Variants in HMCN1 observed in about 807,000 individuals in gnomAD.
HMCN1 encodes the protein hemicentin 1, also known as hemicentin-1.
In HMCN1, 321 loss-of-function variants were observed where a neutral mutation model predicts 625.9. The observed-to-expected ratio is 0.51, with a 90% CI of 0.47 to 0.56. The LOEUF is 0.56. HMCN1 is among the 20% of genes least tolerant of loss of function. The pLI, the probability that HMCN1 is intolerant of heterozygous loss-of-function variation, is 0.00. For missense variants in HMCN1, 6,588 were observed against 6,887.3 expected (o/e 0.96, Z 1.54); for synonymous variants, 2,425 against 2,417.6 (o/e 1.00, Z -0.09).
chr1:186,023,158 T>A lies in HMCN1; in HGVS notation c.5749+5T>A. 4 of 1,612,428 alleles carry A rather than the reference T, an allele frequency of 2.5e-6. No individual in the cohort carries two copies. Among genetic ancestry groups the A allele is most frequent in the Non-Finnish European group, 8.5e-7 (1 of 1,178,740 alleles). ...ACATTCAACTGCATGTTCATGGTAA[T>A]GTAATTTCTACACCTTAACAAAAGA... On this transcript the variant is annotated splice_donor_5th_base_variant and intron_variant, in intron 36 of 106. Coordinates refer to ENST00000271588, the MANE Select transcript of HMCN1 (RefSeq NM_031935.3).
intron 2 of HMCN1, among the ~76,000 whole-genome samples, chr1:185,862,822 C>A (rs533958131): frequency 3.2e-4 from 48 of 152,212 alleles, no homozygotes; most frequent in Admixed American, 2.6e-3. Context: ...CATCTTCTAG[C>A]CCCATGCAAT....
rs1021015162 is a variant in HMCN1 at position 185,823,412 on chromosome 1, C to T, written c.269-22614C>T. On this transcript the variant is annotated intron_variant, in intron 1 of 106. Coordinates refer to ENST00000271588, the MANE Select transcript of HMCN1 (RefSeq NM_031935.3). Reference sequence around the variant, plus strand: ...GTAGGCAACATATAAAAAAATTGTTCTTTGGTGTTTAAGGTAAAGTGTAAA... The same window carrying T: ...GTAGGCAACATATAAAAAAATTGTTTTTTGGTGTTTAAGGTAAAGTGTAAA... 2.6e-5 allele frequency among the ~76,000 whole-genome samples: 4 copies of T among 152,074 alleles called. No individual in the cohort carries two copies. The East Asian group carries it at 5.8e-4, about 22-fold the overall frequency.
At chr1:186,110,701 C>T (rs901772713) in intron 71 of HMCN1, among the ~76,000 whole-genome samples, 5 of 151,942 alleles carry the variant, frequency 3.3e-5, no homozygotes, top group South Asian at 2.1e-4. Context: ...TTATAGGACA[C>T]GTTATGTTGG....
At chr1:186,088,576 T>C (rs755260623) in intron 62 of HMCN1, 30 bp from the exon 63 acceptor site, 3 of 1,605,760 alleles carry the variant, frequency 1.9e-6, no homozygotes, top group Admixed American at 1.7e-5. Flanking sequence ...GGTTTTTTTA[T>C]GTTTTATTGT....
At chr1:185,997,017 T>C (rs1338329187) in intron 24 of HMCN1, among the ~76,000 whole-genome samples, 1 of 152,038 alleles carries the variant, frequency 6.6e-6, no homozygotes, top group Non-Finnish European at 1.5e-5. Context: ...AAGAAGTCTA[T>C]TGGAATAGCC....
chr1:186,027,100 T>C (rs916965907), intron 36 of HMCN1, among the ~76,000 whole-genome samples: 4 of 152,218 alleles, frequency 2.6e-5, no homozygotes, highest in African/African-American at 9.6e-5. Context: ...CCATTCTTCT[T>C]AGTCATAGCA....
In HMCN1 at chr1:186,068,004, C is replaced by G; in HGVS notation, c.7876C>G (p.Pro2626Ala). The stretch of plus-strand genomic sequence containing the variant: ...ATCTAACCGAAATATTCGTATTCTT[C>G]CAGGTAATTCATTTGCTTCAGATGT... Reference protein sequence around the residue: ...LESNRNIRILPGGRTLQILNA... With the variant: ...LESNRNIRILAGGRTLQILNA... The change falls in exon 50 of 107, where the codon CCA (proline) becomes GCA (alanine). Residue 2626 changes from proline to alanine, a missense_variant. Transcript: ENST00000271588. 1 of 1,612,318 alleles carries G rather than the reference C, an allele frequency of 6.2e-7. No individual in the cohort carries two copies. The highest frequency in any genetic ancestry group is 8.5e-7 in the Non-Finnish European group (1 of 1,178,514).
At chr1:186,108,317 C>A in intron 70 of HMCN1, 144 bp from the exon 71 acceptor site, 2 of 1,308,634 alleles carry the variant, frequency 1.5e-6, no homozygotes, top group Non-Finnish European at 2.1e-6. Context: ...AAACACTTCC[C>A]ACTGTTTGTA....
Position 185,906,238 on chromosome 1 carries a change from T to C in HMCN1, c.622-3099T>C, listed in dbSNP as rs75569378. 8.3e-3 allele frequency among the ~76,000 whole-genome samples: 1,255 copies of C among 151,934 alleles called. 15 individuals are homozygous for C. The highest frequency in any genetic ancestry group is 0.029 in the African/African-American group (1,200 of 41,534). ...TCACATATTGGTAGTATCTGTATTT[T>C]CTAATACAACGAGTTGCATCTGTTT... On this transcript the variant is annotated intron_variant, in intron 4 of 106. Transcript: ENST00000271588.
At chr1:186,072,243 T>C (rs915493447) in intron 52 of HMCN1, among the ~76,000 whole-genome samples, 3 of 152,174 alleles carry the variant, frequency 2.0e-5, no homozygotes, top group Non-Finnish European at 4.4e-5. Context: ...ACACAAAACA[T>C]ATTGACAGAC....
rs772713981 is a variant in HMCN1 at position 186,137,818 on chromosome 1, G to A, written c.13770G>A (p.Ser4590=). 2.7e-5 allele frequency: 44 copies of A among 1,613,936 alleles called. 1 individual carries two copies. Among genetic ancestry groups the A allele is most frequent in the African/African-American group, 5.3e-5 (4 of 74,900 alleles). Residue 4590 remains serine, a synonymous_variant, in exon 89 of 107, where the codon TCG becomes TCA. Coordinates refer to ENST00000271588, the MANE Select transcript of HMCN1 (RefSeq NM_031935.3). ...TTTGTATAGTGGATGGTAGCTGGTC[G>A]GAATGGAGTCTTTGGGAAGAATGCA... ...NKPCPVDGSW[S]EWSLWEECTR...
Position 186,189,551 on chromosome 1 carries a change from T to C in HMCN1, c.16581T>C (p.Cys5527=). The part of the protein sequence containing the change: ...LKNCPPNDLE[C]ALSPYALEYK... ...ACTGTCCACCCAATGATTTGGAATG[T>C]GCCTTGAGCCCATATGCCTTGGAAT... Residue 5527 remains cysteine (C), a synonymous_variant, in exon 107 of 107, where the codon TGT becomes TGC. Transcript: ENST00000271588. 6.2e-7 allele frequency: 1 copy of C among 1,613,654 alleles called. No homozygotes were observed.
intron 1 of HMCN1, among the ~76,000 whole-genome samples, chr1:185,775,196 G>A (rs1214796381): frequency 6.6e-6 from 1 of 152,136 alleles, no homozygotes; most frequent in African/African-American, 2.4e-5. Context: ...CAGTTCTAGA[G>A]TATGTGAAAG....
chr1:185,800,678 C>T (rs1029395496), intron 1 of HMCN1, among the ~76,000 whole-genome samples: 3 of 152,028 alleles, frequency 2.0e-5, no homozygotes, highest in African/African-American at 4.8e-5. Flanking sequence ...AGATCTTTCA[C>T]TAAAAATGTG....
chr1:186,063,066 GCATATATATATATATATA>G (rs1657834886), intron 48 of HMCN1, among the ~76,000 whole-genome samples: 10 of 29,944 alleles, frequency 3.3e-4, no homozygotes, highest in African/African-American at 1.6e-3. Flanking sequence ...GTGTGTGTGT[GCATATATATATATATATA>G]TATATATATA....
At chr1:186,171,983 A>G (rs753409803) in intron 101 of HMCN1, 23 bp from the exon 102 acceptor site, 2 of 1,611,016 alleles carry the variant, frequency 1.2e-6, no homozygotes, top group South Asian at 1.1e-5. Flanking sequence ...CTTAATCTAC[A>G]TTACCTTTGT....
chr1:186,167,187 A>T (rs1651933606), intron 100 of HMCN1, among the ~76,000 whole-genome samples: 1 of 152,182 alleles, frequency 6.6e-6, no homozygotes, highest in South Asian at 2.1e-4. Flanking sequence ...AGCTATTTTA[A>T]ATATGTATAG....
intron 89 of HMCN1, among the ~76,000 whole-genome samples, chr1:186,139,572 G>T (rs977027262): frequency 4.1e-5 from 6 of 145,576 alleles, no homozygotes; most frequent in Non-Finnish European, 9.1e-5. Context: ...ACTTACTGTT[G>T]TTTTGTTCAC....
At position 186,103,530 on chromosome 1, in the gene HMCN1, C is replaced by T. The variant is rs780256777; in HGVS notation, c.10632C>T (p.Asn3544=). ...EHEEISVIVN[N]PLELTCIASG... is the part of the protein sequence containing the mutation. ...AAGAGATATCAGTAATTGTTAATAA[C>T]CCACTTGAACTTACCTGCATTGCTT... The change falls in exon 69 of 107, where the codon AAC becomes AAT. Residue 3544 remains asparagine, a synonymous_variant. Transcript: ENST00000271588. 2.5e-6 allele frequency: 4 copies of T among 1,613,660 alleles called. No individual in the cohort carries two copies. Among genetic ancestry groups the T allele is most frequent in the Non-Finnish European group, 3.4e-6 (4 of 1,179,678 alleles).
Sources: allele counts gnomAD v4.1 joint callset (sites outside exome capture counted in the v4.1 genomes callset), GRCh38; gene constraint gnomAD v4.1.1; transcripts MANE v1.5; gene names NCBI Gene and HGNC (gene_info 2026-07-23, HGNC 2026-07-21).